SPAG16: variants seen among roughly 807,000 people sequenced by gnomAD.
SPAG16 encodes sperm associated antigen 16, also known as sperm-associated antigen 16 protein.
SPAG16 carries 86 observed loss-of-function variants against 80.4 expected under a neutral mutation model. The ratio of observed to expected loss-of-function variants is 1.07; its 90% CI spans 0.90 to 1.28. The LOEUF (loss-of-function observed/expected upper bound fraction) is 1.28. Ranked by LOEUF, SPAG16 falls within the 50% of genes most tolerant of loss-of-function variation. The pLI is 0.00. For synonymous variants in SPAG16, 294 were observed against 265.9 expected (o/e 1.11, Z -1.03); for missense variants, 870 against 765.3 (o/e 1.14, Z -1.61).
chr2:214,110,834 G>A (rs1236527108), intron 14 of SPAG16, among the ~76,000 whole-genome samples: 1 of 152,216 alleles, frequency 6.6e-6, no homozygotes, highest in East Asian at 1.9e-4. Flanking sequence ...TCTAACTGGT[G>A]TGAGATGGTA....
chr2:214,051,844 T>C (rs1481956946), intron 13 of SPAG16, among the ~76,000 whole-genome samples: 2 of 152,218 alleles, frequency 1.3e-5, no homozygotes, highest in Non-Finnish European at 2.9e-5. Flanking sequence ...TGATGTCACA[T>C]TGCAAGCAGC....
chr2:213,981,446 T>C (rs548230632), intron 12 of SPAG16, among the ~76,000 whole-genome samples: 1 of 152,250 alleles, frequency 6.6e-6, no homozygotes, highest in African/African-American at 2.4e-5. Context: ...GAGTTTTTCA[T>C]ATATTTATGT....
intron 10 of SPAG16, among the ~76,000 whole-genome samples, chr2:213,628,000 C>T (rs2062020193): frequency 6.6e-6 from 1 of 152,132 alleles, no homozygotes; most frequent in African/African-American, 2.4e-5. Flanking sequence ...ATGTTTTATT[C>T]TATTCAAAGA....
At chr2:213,849,043 T>C (rs942434565) in intron 10 of SPAG16, among the ~76,000 whole-genome samples, 4 of 152,070 alleles carry the variant, frequency 2.6e-5, no homozygotes, top group African/African-American at 9.7e-5. Context: ...GGGTAATTTA[T>C]GAAGAAAAAA....
intron 13 of SPAG16, among the ~76,000 whole-genome samples, chr2:214,095,921 A>C (rs979982070): frequency 6.6e-6 from 1 of 151,998 alleles, no homozygotes; most frequent in African/African-American, 2.4e-5. Context: ...GGGAAAATAA[A>C]ACCCTATTAA....
At chr2:213,792,051 C>G (rs1203649726) in intron 10 of SPAG16, among the ~76,000 whole-genome samples, 2 of 152,100 alleles carry the variant, frequency 1.3e-5, no homozygotes, top group East Asian at 1.9e-4. Flanking sequence ...TTTCTTAAAA[C>G]ACCAAGCCAG....
At chr2:213,725,195 G>C (rs147413739) in intron 10 of SPAG16, among the ~76,000 whole-genome samples, 1 of 152,026 alleles carries the variant, frequency 6.6e-6, no homozygotes, top group African/African-American at 2.4e-5. Flanking sequence ...ATCATGCCCA[G>C]CTAATTTTTG....
At chr2:213,731,980 A>G (rs553562081) in intron 10 of SPAG16, among the ~76,000 whole-genome samples, 1 of 152,154 alleles carries the variant, frequency 6.6e-6, no homozygotes, top group South Asian at 2.1e-4. Context: ...TTGTCATGAA[A>G]TCTTTACCTG....
chr2:213,659,957 T>C (rs755506909), intron 10 of SPAG16, among the ~76,000 whole-genome samples: 4 of 152,154 alleles, frequency 2.6e-5, no homozygotes, highest in Non-Finnish European at 5.9e-5. Flanking sequence ...TGTGAGTCCA[T>C]TGGGATTCTT....
At chr2:213,713,027 G>C (rs1461932662) in intron 10 of SPAG16, among the ~76,000 whole-genome samples, 1 of 152,098 alleles carries the variant, frequency 6.6e-6, no homozygotes. Context: ...CTCTTCACAG[G>C]GCGGCAGGAG....
At chr2:213,761,452 C>T (rs1341005445) in intron 10 of SPAG16, among the ~76,000 whole-genome samples, 1 of 152,060 alleles carries the variant, frequency 6.6e-6, no homozygotes, top group Non-Finnish European at 1.5e-5. Context: ...ACAGAATAAA[C>T]CAATGAACCC....
At chr2:213,933,024 G>A (rs1431551381) in intron 12 of SPAG16, among the ~76,000 whole-genome samples, 1 of 142,536 alleles carries the variant, frequency 7.0e-6, no homozygotes, top group Non-Finnish European at 1.6e-5. Context: ...GGCACATGGT[G>A]GTTTACTTAC....
intron 9 of SPAG16, among the ~76,000 whole-genome samples, chr2:213,375,916 A>C (rs2066861118): frequency 6.6e-6 from 1 of 150,978 alleles, no homozygotes; most frequent in Non-Finnish European, 1.5e-5. Context: ...GGATTCTGGT[A>C]TTGTATAAAA....
At chr2:213,916,100 A>G (rs768910129) in intron 11 of SPAG16, among the ~76,000 whole-genome samples, 3 of 152,182 alleles carry the variant, frequency 2.0e-5, no homozygotes, top group Non-Finnish European at 2.9e-5. Flanking sequence ...TTTGTTGTGC[A>G]GAAGCTCTTT....
intron 15 of SPAG16, among the ~76,000 whole-genome samples, chr2:214,372,936 A>T (rs1292678534): frequency 6.6e-6 from 1 of 152,182 alleles, no homozygotes; most frequent in African/African-American, 2.4e-5. Context: ...TGTACCAGCA[A>T]ATGGGGCTAC....
intron 9 of SPAG16, among the ~76,000 whole-genome samples, chr2:213,386,969 G>T (rs543649291): frequency 6.6e-6 from 1 of 152,104 alleles, no homozygotes; most frequent in Non-Finnish European, 1.5e-5. Context: ...AGAGAAAAAA[G>T]TTACTGCTTT....
intron 15 of SPAG16, among the ~76,000 whole-genome samples, chr2:214,375,855 AGAAG>A (rs1198110209): frequency 6.6e-6 from 1 of 152,148 alleles, no homozygotes. Flanking sequence ...AGAGAAATGG[AGAAG>A]GAAGATTTCA....
intron 10 of SPAG16, among the ~76,000 whole-genome samples, chr2:213,637,617 C>T (rs1346504977): frequency 6.6e-6 from 1 of 152,078 alleles, no homozygotes; most frequent in African/African-American, 2.4e-5. Flanking sequence ...TTTCAATCTG[C>T]TGCTTGTTAT....
intron 14 of SPAG16, among the ~76,000 whole-genome samples, chr2:214,113,783 G>A (rs1034788235): frequency 3.2e-4 from 49 of 152,050 alleles, no homozygotes; most frequent in African/African-American, 9.9e-4. Flanking sequence ...CCTTTAGCTC[G>A]GAGAAGTTTG....
Sources: allele counts gnomAD v4.1 joint callset (sites outside exome capture counted in the v4.1 genomes callset), GRCh38; gene constraint gnomAD v4.1.1; transcripts MANE v1.5; gene names NCBI Gene and HGNC (gene_info 2026-07-23, HGNC 2026-07-21).